LRP1B: variants seen among roughly 807,000 people sequenced by gnomAD.
The protein encoded by LRP1B is low-density lipoprotein receptor-related protein 1B.
In LRP1B, 217 loss-of-function variants were observed where a neutral mutation model predicts 556.6. The ratio of observed to expected loss-of-function variants is 0.39; its 90% CI spans 0.35 to 0.44. The LOEUF is 0.44. Among genes scored for constraint, LRP1B ranks in the 20% least tolerant of loss-of-function variants. The probability of loss-of-function intolerance (pLI) is 1.00; values close to 1 mark genes in which losing one functional copy is unlikely to be tolerated. For missense variants in LRP1B, 5,053 were observed against 5,620.8 expected (o/e 0.90, Z 3.23); for synonymous variants, 2,047 against 1,865.8 (o/e 1.10, Z -2.50).
chr2:142,085,613 T>C (rs1197081940), intron 1 of LRP1B, among the ~76,000 whole-genome samples: 1 of 152,188 alleles, frequency 6.6e-6, no homozygotes, highest in Non-Finnish European at 1.5e-5. Context: ...TATTTATACA[T>C]TTTCTTATTT....
intron 18 of LRP1B, among the ~76,000 whole-genome samples, chr2:140,973,086 A>ATATATATATATAT (rs1696486134): frequency 6.8e-6 from 1 of 146,654 alleles, no homozygotes; most frequent in Non-Finnish European, 1.5e-5. Flanking sequence ...ATATATTTCT[A>ATATATATATATAT]AACACAGTAC....
At chr2:142,073,602 A>T (rs1394511883) in intron 1 of LRP1B, among the ~76,000 whole-genome samples, 1 of 151,970 alleles carries the variant, frequency 6.6e-6, no homozygotes, top group African/African-American at 2.4e-5. Context: ...GTCTGTTTTT[A>T]TGTAAATCAT....
At chr2:141,814,944 G>T (rs185243206) in intron 1 of LRP1B, among the ~76,000 whole-genome samples, 1 of 152,290 alleles carries the variant, frequency 6.6e-6, no homozygotes, top group African/African-American at 2.4e-5. Flanking sequence ...TTCAGCCACA[G>T]ATACAGGATG....
At chr2:141,801,112 A>T (rs1014096746) in intron 2 of LRP1B, among the ~76,000 whole-genome samples, 17 of 152,230 alleles carry the variant, frequency 1.1e-4, no homozygotes, top group Middle Eastern at 3.4e-3. Context: ...GCCTAACCCA[A>T]TGATCGATTC....
intron 31 of LRP1B, among the ~76,000 whole-genome samples, chr2:140,823,511 A>AT (rs1288136761): frequency 1.3e-5 from 2 of 152,034 alleles, no homozygotes; most frequent in Non-Finnish European, 2.9e-5. Context: ...GTTTGTATTT[A>AT]TTTTTTCACA....
rs537566847 is a variant in LRP1B at position 141,149,482 on chromosome 2, G to A, written c.1013+38939C>T. On this transcript the variant is annotated intron_variant, in intron 7 of 90. Coordinates refer to ENST00000389484, the MANE Select transcript of LRP1B (RefSeq NM_018557.3). ...ACCTTTATTTCAAGTGAGAGAAGAC[G>A]GTAGAGTGTAAGGGACATCTTATAG... is the stretch of plus-strand genomic sequence containing the variant. 3.3e-5 allele frequency among the ~76,000 whole-genome samples: 5 copies of A among 152,092 alleles called. No homozygotes were observed. In the South Asian group the frequency reaches 6.2e-4, roughly 19 times the overall value.
intron 2 of LRP1B, among the ~76,000 whole-genome samples, chr2:141,532,125 A>G (rs1296929591): frequency 2.6e-5 from 4 of 152,224 alleles, no homozygotes; most frequent in Non-Finnish European, 1.5e-5. Flanking sequence ...AGAGAGCTCA[A>G]CTAATTGTAT....
At chr2:140,753,889 C>A (rs1269936771) in intron 35 of LRP1B, among the ~76,000 whole-genome samples, 1 of 152,106 alleles carries the variant, frequency 6.6e-6, no homozygotes, top group Non-Finnish European at 1.5e-5. Context: ...TCAAGAGCTC[C>A]CTTCCTCCAC....
chr2:141,841,717 G>T (rs1219411717), intron 1 of LRP1B, among the ~76,000 whole-genome samples: 1 of 152,130 alleles, frequency 6.6e-6, no homozygotes, highest in African/African-American at 2.4e-5. Flanking sequence ...TTATCAAACT[G>T]TTCAGCTAGT....
At chr2:140,526,492 C>G in intron 47 of LRP1B, 142 bp from the exon 48 acceptor site, 1 of 588,596 alleles carries the variant, frequency 1.7e-6, no homozygotes, top group Non-Finnish European at 3.0e-6. Flanking sequence ...GACCCCTGAA[C>G]CCCACCTTCA....
At chr2:140,891,151 A>G (rs1289344624) in intron 23 of LRP1B, among the ~76,000 whole-genome samples, 1 of 152,144 alleles carries the variant, frequency 6.6e-6, no homozygotes, top group Non-Finnish European at 1.5e-5. Context: ...GTCACAATTT[A>G]TACTTTTTGT....
At chr2:140,965,468 T>A (rs1696177898) in intron 18 of LRP1B, among the ~76,000 whole-genome samples, 1 of 152,102 alleles carries the variant, frequency 6.6e-6, no homozygotes, top group Non-Finnish European at 1.5e-5. Context: ...GCATTATAGA[T>A]ATATTGGTGA....
At chr2:142,045,087 T>C (rs1398887183) in intron 1 of LRP1B, among the ~76,000 whole-genome samples, 1 of 151,256 alleles carries the variant, frequency 6.6e-6, no homozygotes, top group African/African-American at 2.4e-5. Flanking sequence ...TCATGAATAC[T>C]GACCTTCTGT....
intron 41 of LRP1B, among the ~76,000 whole-genome samples, chr2:140,655,222 T>C (rs1684836577): frequency 6.6e-6 from 1 of 152,138 alleles, no homozygotes; most frequent in Admixed American, 6.6e-5. Flanking sequence ...TAAAACAAGC[T>C]TTTTAAAAAT....
chr2:140,613,400 A>AATAATTATATACTTATAAATATATAT (rs1683148181), intron 41 of LRP1B, among the ~76,000 whole-genome samples: 2 of 84,378 alleles, frequency 2.4e-5, no homozygotes, highest in South Asian at 7.1e-4. Context: ...TATAAATATA[A>AATAATTATATACTTATAAATATATAT]ATAATTATAT....
rs536259997 is a variant in LRP1B at position 141,033,315 on chromosome 2, C to T, written c.1790-13213G>A. Among the ~76,000 whole-genome samples, 15 of 151,840 alleles carry T rather than the reference C, an allele frequency of 9.9e-5. 1 individual carries two copies. The East Asian group carries it at 1.8e-3, about 18-fold the overall frequency. ...CCAGATCATTCTCAGCCTTCCAGGA[C>T]GTGGTGAGCGCTAAGAACTTATTTT... is the stretch of plus-strand genomic sequence containing the variant. On this transcript the variant is annotated intron_variant, in intron 11 of 90. Transcript: ENST00000389484.
At chr2:140,868,361 G>C in intron 25 of LRP1B, 98 bp from the exon 26 acceptor site, 1 of 1,121,762 alleles carries the variant, frequency 8.9e-7, no homozygotes, top group Non-Finnish European at 1.2e-6. Context: ...CACTGGATAG[G>C]TGATAAGTCA....
intron 7 of LRP1B, among the ~76,000 whole-genome samples, chr2:141,184,551 C>T (rs1681154643): frequency 6.6e-6 from 1 of 151,744 alleles, no homozygotes; most frequent in Non-Finnish European, 1.5e-5. Context: ...AGATTATACC[C>T]CTTTTTTTCA....
intron 1 of LRP1B, among the ~76,000 whole-genome samples, chr2:142,068,834 G>A (rs1048284542): frequency 6.6e-6 from 1 of 151,430 alleles, no homozygotes; most frequent in Non-Finnish European, 1.5e-5. Context: ...GTCGGCTAAT[G>A]GTAATATTTT....
Sources: allele counts gnomAD v4.1 joint callset (sites outside exome capture counted in the v4.1 genomes callset), GRCh38; gene constraint gnomAD v4.1.1; transcripts MANE v1.5; gene names NCBI Gene and HGNC (gene_info 2026-07-23, HGNC 2026-07-21).